The following IFT172 variants were observed in gnomAD, a reference collection of about 807,000 sequenced individuals.
The protein encoded by IFT172 is intraflagellar transport 172, also known as intraflagellar transport protein 172 homolog.
A neutral mutation model predicts 248.9 loss-of-function variants in IFT172; 164 were observed. The observed-to-expected ratio is 0.66, with a 90% CI of 0.58 to 0.75. IFT172 has a LOEUF of 0.75. Ranked by LOEUF, IFT172 falls within the 30% of genes least tolerant of loss-of-function variation. The pLI is 0.00. For missense variants in IFT172, 1,950 were observed against 2,192.4 expected (o/e 0.89, Z 2.21); for synonymous variants, 729 against 791.6 (o/e 0.92, Z 1.33).
intron 3 of IFT172, 152 bp from the exon 4 acceptor site, chr2:27,484,418 C>A (rs1284463108): frequency 4.3e-6 from 3 of 691,244 alleles, no homozygotes; most frequent in East Asian, 3.4e-5. Context: ...AGTGAAACCC[C>A]GTCTCTACTA....
intron 7 of IFT172, among the ~76,000 whole-genome samples, chr2:27,483,001 CTTTTT>C (rs10651081): frequency 8.1e-6 from 1 of 123,802 alleles, no homozygotes; most frequent in Non-Finnish European, 1.6e-5. Flanking sequence ...TCCACAGCAT[CTTTTT>C]TTTTTTTTTT....
rs1558357557 is a variant in IFT172, at chr2:27,449,580, G to C, written c.4161-18C>G. 1 of 1,614,120 alleles carries C rather than the reference G, an allele frequency of 6.2e-7. No homozygotes were observed. Among genetic ancestry groups the C allele is most frequent in the East Asian group, 2.2e-5 (1 of 44,890 alleles). On this transcript the variant is annotated intron_variant, in intron 37 of 47. Coordinates refer to ENST00000260570, the MANE Select transcript of IFT172 (RefSeq NM_015662.3). ...CTTCATACCTGTGAAGATGTTCAGA[G>C]AGCTCCATCTTCATGTTCCAGAATA... is the stretch of plus-strand genomic sequence containing the variant.
chr2:27,479,742 T>C (rs1668223173), intron 9 of IFT172, 138 bp from the exon 10 acceptor site: 2 of 725,104 alleles, frequency 2.8e-6, no homozygotes, highest in Non-Finnish European at 4.7e-6. Flanking sequence ...GTTTTTGGAA[T>C]TACCAAAAGG....
chr2:27,467,833 C>T (rs1667222726), intron 16 of IFT172, among the ~76,000 whole-genome samples: 1 of 151,798 alleles, frequency 6.6e-6, no homozygotes, highest in Non-Finnish European at 1.5e-5. Context: ...TTCATAAACA[C>T]AGGAAACACA....
At chr2:27,447,965 A>G (rs1266588254) in intron 40 of IFT172, 43 bp from the exon 41 acceptor site, 1 of 1,222,212 alleles carries the variant, frequency 8.2e-7, no homozygotes, top group Non-Finnish European at 1.2e-6. Context: ...GGGCATAGCT[A>G]GAAGAGAAAG....
Position 27,447,855 on chromosome 2 carries a change from G to T in IFT172, c.4496C>A (p.Ala1499Asp). The T allele has an allele frequency of 6.2e-7, 1 of 1,613,910 alleles. No homozygotes were observed. ...VSSPGTNCAE[A>D]YHSWADLRDV... ...TCGAAGATCAGCCCAGCTATGATAG[G>T]CCTCGGCACAGTTGGTTCCAGGAGA... Residue 1499 changes from alanine (A) to aspartate (D), a missense_variant, in exon 41 of 48, where the codon GCC (alanine) becomes GAC (aspartate). By Grantham distance (126) the Ala-to-Asp change is moderately radical (BLOSUM62 -2). Around this residue, in one of 3 missense-constraint regions of IFT172, gnomAD observed 620 missense variants for 699.0 expected, o/e 0.89. Transcript: ENST00000260570.
At chr2:27,448,436 G>A (rs1002740383) in intron 40 of IFT172, among the ~76,000 whole-genome samples, 8 of 152,150 alleles carry the variant, frequency 5.3e-5, no homozygotes, top group African/African-American at 1.9e-4. Context: ...TATTTTTAAT[G>A]AAGTAAATTA....
intron 18 of IFT172, among the ~76,000 whole-genome samples, chr2:27,464,019 A>G (rs1281950493): frequency 6.6e-6 from 1 of 152,252 alleles, no homozygotes; most frequent in Non-Finnish European, 1.5e-5. Flanking sequence ...GTTTAAAAAA[A>G]TGACCTCAGC....
intron 35 of IFT172, among the ~76,000 whole-genome samples, chr2:27,450,949 C>CTTT (rs540664992): frequency 3.9e-4 from 57 of 145,268 alleles, no homozygotes; most frequent in African/African-American, 1.4e-3. Flanking sequence ...TTATTTTTAC[C>CTTT]TGTTTTTTTT....
intron 42 of IFT172, among the ~76,000 whole-genome samples, chr2:27,446,978 C>T (rs1246529535): frequency 2.0e-5 from 3 of 150,366 alleles, no homozygotes; most frequent in East Asian, 2.0e-4. Context: ...GGATTACAGG[C>T]GTGAGCCACC....
chr2:27,483,810 T>A, intron 5 of IFT172, 62 bp downstream of exon 5: 1 of 1,480,176 alleles, frequency 6.8e-7, no homozygotes, highest in Non-Finnish European at 9.4e-7. Flanking sequence ...TGAACCATAT[T>A]CCTCTCTCCA....
chr2:27,457,716 G>A lies in IFT172; in HGVS notation c.3151C>T (p.His1051Tyr), dbSNP rs149431727. The A allele has an allele frequency of 6.2e-7, 1 of 1,614,150 alleles. No homozygotes were observed. The highest frequency in any genetic ancestry group is 2.2e-5 in the East Asian group (1 of 44,866). The change falls in exon 29 of 48, where the codon CAC becomes TAC. Residue 1051 changes from histidine to tyrosine, a missense_variant. His to Tyr is a moderately conservative substitution (Grantham distance 83). Around this residue, in one of 3 missense-constraint regions of IFT172, gnomAD observed 164 missense variants for 239.3 expected, o/e 0.69. Transcript: ENST00000260570. ...AEGRLQEAEY[H>Y]YLEAQEWKAT... ...TTCCATTCCTGGGCCTCGAGGTAGT[G>A]GTACTCAGCCTCCTGTAGTCGGCCT... is the stretch of plus-strand genomic sequence containing the variant.
intron 9 of IFT172, 49 bp downstream of exon 9, chr2:27,479,977 C>T (rs1237813711): frequency 1.3e-6 from 2 of 1,584,532 alleles, no homozygotes; most frequent in Admixed American, 1.8e-5. Context: ...GGATTTTTTT[C>T]TAGTTTGGTG....
chr2:27,488,257 G>A (rs1202800510), intron 1 of IFT172, among the ~76,000 whole-genome samples: 4 of 152,070 alleles, frequency 2.6e-5, no homozygotes, highest in African/African-American at 4.8e-5. Flanking sequence ...GGGTTCAAGC[G>A]ATTCTCCTTC....
chr2:27,485,165 A>AAGTAATGAG (rs1402994426), intron 2 of IFT172, 35 bp from the exon 3 acceptor site: 10 of 1,472,464 alleles, frequency 6.8e-6, no homozygotes, highest in Non-Finnish European at 9.4e-6. Context: ...AAAGAAAAAG[A>AAGTAATGAG]AGTAATGAGT....
In IFT172 at chr2:27,463,128, T is replaced by C. The variant is rs199631887; in HGVS notation, c.1991A>G (p.Asn664Ser). Residue 664 changes from asparagine to serine, a missense_variant, in exon 19 of 48, where the codon AAT becomes AGT. This residue lies in a region of IFT172 where 1,166 missense variants were observed against 1,254.1 expected (regional missense o/e 0.93). Coordinates refer to ENST00000260570, the MANE Select transcript of IFT172 (RefSeq NM_015662.3). ...VAKARFLHETNEIADQVSREY... is the reference protein window; with the variant it reads ...VAKARFLHETSEIADQVSREY... Reference sequence around the variant, plus strand: ...CCGGGATACTTGATCTGCAATCTCATTGGTCTCATGCAGGAATCGAGCTTT... The same window carrying C: ...CCGGGATACTTGATCTGCAATCTCACTGGTCTCATGCAGGAATCGAGCTTT... 104 of 1,614,054 alleles carry C rather than the reference T, an allele frequency of 6.4e-5. No homozygotes were observed. Among genetic ancestry groups the C allele is most frequent in the South Asian group, 9.9e-5 (9 of 91,082 alleles).
At chr2:27,455,224 G>A in intron 30 of IFT172, 1 of 346,242 alleles carries the variant, frequency 2.9e-6, no homozygotes, top group Non-Finnish European at 5.5e-6. Context: ...GAGGCAAACG[G>A]CAGGTCCTTA....
At position 27,454,667 on chromosome 2, in the gene IFT172, C is replaced by T; in HGVS notation, c.3372-7G>A. 1 of 1,613,268 alleles carries T rather than the reference C, an allele frequency of 6.2e-7. No homozygotes were observed. ...AAACGCAAATTCAAAGGAGCTGAAACAGAAAGTGCAGATAAAGTTTTCTTG... is the reference window on the plus strand; with the variant it reads ...AAACGCAAATTCAAAGGAGCTGAAATAGAAAGTGCAGATAAAGTTTTCTTG... On this transcript the variant is annotated splice_region_variant and splice_polypyrimidine_tract_variant and intron_variant, in intron 30 of 47. Transcript: ENST00000260570. This position sits in a 1 kb window ranked among gnomAD's most constrained non-coding sequence, Gnocchi z 4.2.
intron 15 of IFT172, chr2:27,471,918 G>GT (rs1357360875): frequency 4.8e-6 from 2 of 416,210 alleles, no homozygotes; most frequent in African/African-American, 4.1e-5. Flanking sequence ...CGTGCCTGTA[G>GT]TCCCAGCTAC....
Sources: gnomAD v4.1 joint callset for allele counts (sites outside exome capture counted in the v4.1 genomes callset) on GRCh38, gnomAD v4.1.1 for gene constraint, gnomAD v4.1.1 regional missense constraint, Gnocchi (gnomAD v3.1) non-coding constraint, MANE v1.5 for transcripts, NCBI Gene and HGNC (gene_info 2026-07-23, HGNC 2026-07-21) for gene names.